Variants in MCTP1 observed in about 807,000 individuals in gnomAD.
MCTP1 encodes multiple C2 and transmembrane domain containing 1, also known as multiple C2 and transmembrane domain-containing protein 1.
MCTP1 carries 69 observed loss-of-function variants against 120.6 expected under a neutral mutation model. That is an observed-to-expected ratio of 0.57 (90% CI 0.47 to 0.70). The LOEUF (loss-of-function observed/expected upper bound fraction) is 0.70, where lower values mean the gene tolerates loss of function less well. MCTP1 is among the 30% of genes least tolerant of loss of function. The pLI is 0.00. For missense variants in MCTP1, 1,203 were observed against 1,248.8 expected (o/e 0.96, Z 0.55); for synonymous variants, 529 against 493.1 (o/e 1.07, Z -0.96).
At chr5:94,944,875 A>C (rs1337231691) in intron 3 of MCTP1, among the ~76,000 whole-genome samples, 2 of 152,204 alleles carry the variant, frequency 1.3e-5, no homozygotes, top group Non-Finnish European at 2.9e-5. Context: ...TAGGAGAGAG[A>C]TAAAATAGGA....
intron 1 of MCTP1, among the ~76,000 whole-genome samples, chr5:95,191,684 C>A (rs1364777430): frequency 6.6e-6 from 1 of 151,946 alleles, no homozygotes; most frequent in Non-Finnish European, 1.5e-5. Flanking sequence ...ACTATTCTTT[C>A]TCAAGTGGTC....
chr5:94,805,455 C>T (rs528854380), intron 17 of MCTP1, among the ~76,000 whole-genome samples: 3 of 151,922 alleles, frequency 2.0e-5, no homozygotes, highest in Non-Finnish European at 4.4e-5. Context: ...AGCGAGACCT[C>T]GTCTCTACTA....
chr5:94,905,749 C>A (rs966454717), intron 10 of MCTP1, among the ~76,000 whole-genome samples: 4 of 152,078 alleles, frequency 2.6e-5, no homozygotes, highest in African/African-American at 9.7e-5. Context: ...ATTAGACTTT[C>A]AAATAGTGAT....
In MCTP1 at chr5:94,942,401, C is replaced by T. The variant is rs1205122900; in HGVS notation, c.1008G>A (p.Gln336=). The T allele has an allele frequency of 8.7e-6, 14 of 1,610,926 alleles. No homozygotes were observed. The highest frequency in any genetic ancestry group is 1.0e-5 in the Non-Finnish European group (12 of 1,178,110). The change falls in exon 4 of 23, where the codon CAG becomes CAA. Residue 336 remains glutamine, a synonymous_variant. Transcript: ENST00000515393. ...IKVFDYDFGL[Q]DDFMGSAFLD... is the part of the protein sequence containing the mutation. ...GAAAGGCTGAGCCCATAAAGTCATC[C>T]TGTAGTCCAAAATCATAGTCAAATA...
intron 1 of MCTP1, among the ~76,000 whole-genome samples, chr5:95,209,804 C>A (rs944387446): frequency 3.3e-5 from 5 of 152,116 alleles, no homozygotes; most frequent in African/African-American, 1.2e-4. Context: ...CTCTTGTGGG[C>A]ATTTAGTGCT....
rs556663513 is a variant in MCTP1, at chr5:95,061,408, GT to G, written c.721-43925del. On this transcript the variant is annotated intron_variant, in intron 1 of 22. Coordinates refer to ENST00000515393, the MANE Select transcript of MCTP1 (RefSeq NM_024717.7). ...ATCAATTTTCACAAACCCCTTAAGGGTTTTTTTTTTTTTTTTTTTTTTTTTT... is the reference window on the plus strand; with the variant it reads ...ATCAATTTTCACAAACCCCTTAAGGGTTTTTTTTTTTTTTTTTTTTTTTTT... Among the ~76,000 whole-genome samples the G allele has an allele frequency of 2.7e-4, 9 of 33,486 alleles. 3 individuals are homozygous for G. The highest frequency in any genetic ancestry group is 7.1e-4 in the Admixed American group (2 of 2,806). The allele number at this position is 33,486 out of a possible 152,430, so 22.0% of individuals were successfully genotyped here.
intron 2 of MCTP1, among the ~76,000 whole-genome samples, chr5:95,000,216 A>G (rs1013723719): frequency 6.6e-6 from 1 of 152,244 alleles, no homozygotes; most frequent in Admixed American, 6.5e-5. Flanking sequence ...TGCCAGTTAC[A>G]TAAAAGACTA....
intron 1 of MCTP1, among the ~76,000 whole-genome samples, chr5:95,207,946 AGG>A (rs57680956): frequency 0.015 from 692 of 47,624 alleles, 13 homozygotes; most frequent in African/African-American, 0.044. Context: ...AGAGAGAGAG[AGG>A]GAGAGAGAGG....
At chr5:95,006,893 T>C (rs1834874193) in intron 2 of MCTP1, among the ~76,000 whole-genome samples, 1 of 152,158 alleles carries the variant, frequency 6.6e-6, no homozygotes, top group Non-Finnish European at 1.5e-5. Context: ...TTAACAATTA[T>C]GTCAGTCAAC....
chr5:94,721,261 A>G (rs560632202), intron 19 of MCTP1, among the ~76,000 whole-genome samples: 1 of 152,116 alleles, frequency 6.6e-6, no homozygotes, highest in Admixed American at 6.5e-5. Context: ...TCAATAAGGT[A>G]AGCAAATATT....
intron 1 of MCTP1, among the ~76,000 whole-genome samples, chr5:95,019,538 GTTTC>G (rs928474348): frequency 6.6e-6 from 1 of 151,902 alleles, no homozygotes; most frequent in Non-Finnish European, 1.5e-5. Context: ...ATTTGTGTTA[GTTTC>G]TTTGTTTGCC....
intron 1 of MCTP1, among the ~76,000 whole-genome samples, chr5:95,272,064 T>G (rs931086594): frequency 1.5e-4 from 23 of 152,184 alleles, no homozygotes; most frequent in African/African-American, 5.5e-4. Flanking sequence ...TGGAAGAATA[T>G]TGGCATTCTT....
intron 19 of MCTP1, among the ~76,000 whole-genome samples, chr5:94,725,434 G>C (rs1234584353): frequency 6.6e-6 from 1 of 152,212 alleles, no homozygotes; most frequent in African/African-American, 2.4e-5. Context: ...GCTTGTTTCT[G>C]ATTCCAGATA....
At chr5:94,924,401 CA>C (rs1458645423) in intron 6 of MCTP1, among the ~76,000 whole-genome samples, 1 of 152,098 alleles carries the variant, frequency 6.6e-6, no homozygotes, top group Admixed American at 6.5e-5. Flanking sequence ...AACTTCAGAG[CA>C]TTTTTAAAGA....
intron 1 of MCTP1, among the ~76,000 whole-genome samples, chr5:95,214,152 T>C (rs1398204721): frequency 2.0e-5 from 3 of 152,200 alleles, no homozygotes; most frequent in Non-Finnish European, 2.9e-5. Context: ...TACAAAGAAC[T>C]CAAACAAATT....
chr5:95,021,963 T>C (rs959441030), intron 1 of MCTP1, among the ~76,000 whole-genome samples: 4 of 152,314 alleles, frequency 2.6e-5, no homozygotes, highest in African/African-American at 7.2e-5. Context: ...ATTTTATCAA[T>C]AGATTTTCAG....
chr5:95,037,636 C>G (rs921542114), intron 1 of MCTP1, among the ~76,000 whole-genome samples: 14 of 152,150 alleles, frequency 9.2e-5, no homozygotes, highest in African/African-American at 3.4e-4. Flanking sequence ...GAGGCCAAGG[C>G]AGGTGGATCA....
chr5:95,106,435 A>G (rs1417535201), intron 1 of MCTP1, among the ~76,000 whole-genome samples: 1 of 152,200 alleles, frequency 6.6e-6, no homozygotes, highest in Non-Finnish European at 1.5e-5. Context: ...AGAGAAAGGG[A>G]GAAGTACAAT....
chr5:94,838,643 T>C (rs1050597657), intron 17 of MCTP1, among the ~76,000 whole-genome samples: 1 of 152,220 alleles, frequency 6.6e-6, no homozygotes, highest in Non-Finnish European at 1.5e-5. Flanking sequence ...AAATTCTCTA[T>C]CATATTAGTA....
Sources: allele counts gnomAD v4.1 joint callset (sites outside exome capture counted in the v4.1 genomes callset), GRCh38; gene constraint gnomAD v4.1.1; transcripts MANE v1.5; gene names NCBI Gene and HGNC (gene_info 2026-07-23, HGNC 2026-07-21).